Variants in HCRTR1 observed in about 807,000 individuals in gnomAD.
HCRTR1 encodes the protein hypocretin receptor 1.
HCRTR1 carries 28 observed loss-of-function variants against 40.6 expected under a neutral mutation model. That is an observed-to-expected ratio of 0.69 (90% CI 0.51 to 0.95). HCRTR1 has a LOEUF of 0.95. Ranked by LOEUF, HCRTR1 falls within the 40% of genes least tolerant of loss-of-function variation. The pLI, the probability that HCRTR1 is intolerant of heterozygous loss-of-function variation, is 0.00. For synonymous variants in HCRTR1, 209 were observed against 230.0 expected, an observed-to-expected ratio of 0.91 and a Z score of 0.83; for missense variants, 482 against 564.7, an observed-to-expected ratio of 0.85 and a Z score of 1.48.
At chr1:31,633,324 G>A (rs1321211593), downstream of HCRTR1, 1 of 1,604,258 alleles carries the variant, frequency 6.2e-7, no homozygotes, top group African/African-American at 1.3e-5. Context: ...CCTGGAGGAA[G>A]GGGTGTGAAG....
At chr1:31,618,889 G>A (rs1414428753) in intron 2 of HCRTR1, 73 bp downstream of exon 2, 7 of 410,724 alleles carry the variant, frequency 1.7e-5, no homozygotes, top group Non-Finnish European at 3.1e-5. Flanking sequence ...GCTACCCAAG[G>A]CAACTGGTGT....
Position 31,625,004 on chromosome 1 carries a change from G to A in HCRTR1, c.973G>A (p.Gly325Arg), listed in dbSNP as rs781172049. ...SVLNVLKRVF[G>R]MFRQASDREA... ...CCTCCACCCTGGGCCTAGGGTGTTC[G>A]GGATGTTCCGCCAAGCCAGTGACCG... The change falls in exon 8 of 9, where the codon GGG becomes AGG. Residue 325 changes from glycine (G) to arginine (R), a missense_variant. Physicochemically the swap from Gly to Arg is moderately radical, Grantham distance 125 (BLOSUM62 -2). Coordinates refer to ENST00000403528, the MANE Select transcript of HCRTR1 (RefSeq NM_001525.3). This position sits in a 1 kb window ranked among gnomAD's most constrained non-coding sequence, Gnocchi z 4.2. 3.7e-6 allele frequency: 6 copies of A among 1,605,052 alleles called. No individual in the cohort carries two copies. The highest frequency in any genetic ancestry group is 1.7e-5 in the Admixed American group (1 of 59,442).
intron 4 of HCRTR1, 39 bp from the exon 5 acceptor site, chr1:31,620,803 TG>T: frequency 6.3e-7 from 1 of 1,596,660 alleles, no homozygotes; most frequent in Non-Finnish European, 8.5e-7. Context: ...CATCGCTGGG[TG>T]GCCCCCAAAA....
chr1:31,628,780 T>C (rs144318124), downstream of HCRTR1, among the ~76,000 whole-genome samples: 117 of 152,314 alleles, frequency 7.7e-4, no homozygotes, highest in Non-Finnish European at 1.3e-3. Context: ...GTGACCAGGA[T>C]GCCAAGGGCA....
intron 7 of HCRTR1, 53 bp downstream of exon 7, chr1:31,623,802 A>G: frequency 7.2e-7 from 1 of 1,397,350 alleles, no homozygotes; most frequent in Non-Finnish European, 1.0e-6. Context: ...TTGGGGAAGG[A>G]GCTCTCCTTG....
chr1:31,630,948 G>T, downstream of HCRTR1: 1 of 932,096 alleles, frequency 1.1e-6, no homozygotes, highest in Non-Finnish European at 1.7e-6. Flanking sequence ...CGAGAGGATG[G>T]GCACAGAAGC....
At chr1:31,624,214 G>A (rs577761397) in intron 7 of HCRTR1, among the ~76,000 whole-genome samples, 4 of 152,226 alleles carry the variant, frequency 2.6e-5, no homozygotes, top group African/African-American at 7.2e-5. Flanking sequence ...ATCCCAACAC[G>A]TTGGGAGGCC....
chr1:31,619,971 T>C (rs991389086), intron 4 of HCRTR1, among the ~76,000 whole-genome samples: 3 of 152,156 alleles, frequency 2.0e-5, no homozygotes, highest in Non-Finnish European at 1.5e-5. Context: ...TGGACATGTA[T>C]AGTCACCTCC....
chr1:31,625,267 C>A lies in HCRTR1; in HGVS notation c.1087+149C>A. On this transcript the variant is annotated intron_variant, in intron 8 of 8. Coordinates refer to ENST00000403528, the MANE Select transcript of HCRTR1 (RefSeq NM_001525.3). The surrounding 1 kb of genome is among the most constrained non-coding windows in gnomAD (Gnocchi z 4.2). ...GTGATCCTGCTCTGGGAGGACCCAC[C>A]CCAAGCGGCCCTGGCCTGAGTGGGA... is the stretch of plus-strand genomic sequence containing the variant. The A allele has an allele frequency of 1.0e-6, 1 of 994,446 alleles. No individual in the cohort carries two copies. The highest frequency in any genetic ancestry group is 1.4e-6 in the Non-Finnish European group (1 of 710,724). The allele number at this position is 994,446 out of a possible 1,614,324, so 61.6% of individuals were successfully genotyped here. A position where few individuals can be genotyped will look rare whatever the true frequency, so the allele number is the denominator to read the frequency against.
intron 6 of HCRTR1, among the ~76,000 whole-genome samples, chr1:31,622,376 T>TG (rs1639874875): frequency 1.3e-5 from 2 of 152,042 alleles, no homozygotes; most frequent in Non-Finnish European, 2.9e-5. Flanking sequence ...AAGTACTGGC[T>TG]TGCACCCAGG....
chr1:31,630,633 T>G (rs1640069382), downstream of HCRTR1: 1 of 1,612,368 alleles, frequency 6.2e-7, no homozygotes, highest in South Asian at 1.1e-5. Flanking sequence ...CGAGAAGCTG[T>G]CATGGTGACG....
downstream of HCRTR1, chr1:31,630,805 G>A (rs757209663): frequency 7.4e-6 from 12 of 1,612,702 alleles, no homozygotes; most frequent in Admixed American, 1.7e-5. Context: ...GAAGCTGGGT[G>A]AACTGGGGGC....
chr1:31,625,154 G>A lies in HCRTR1; in HGVS notation c.1087+36G>A. ...TGGGGATGCAAAATGACTGAGGGTG[G>A]CCAACAGTCCACATGACAAGTCTCC... On this transcript the variant is annotated intron_variant, in intron 8 of 8. Coordinates refer to ENST00000403528, the MANE Select transcript of HCRTR1 (RefSeq NM_001525.3). This position sits in a 1 kb window ranked among gnomAD's most constrained non-coding sequence, Gnocchi z 4.2. 4.5e-6 allele frequency: 7 copies of A among 1,561,704 alleles called. No individual in the cohort carries two copies. Among genetic ancestry groups the A allele is most frequent in the Non-Finnish European group, 5.2e-6 (6 of 1,148,568 alleles).
Position 31,627,352 on chromosome 1 carries a change from CA to C in HCRTR1, c.*374del. The C allele has an allele frequency of 7.7e-7, 1 of 1,305,012 alleles. No homozygotes were observed. The highest frequency in any genetic ancestry group is 1.5e-5 in the African/African-American group (1 of 66,702). The allele number at this position is 1,305,012 out of a possible 1,614,324, so 80.8% of individuals were successfully genotyped here. On this transcript the variant is annotated 3_prime_UTR_variant, in exon 9 of 9. Transcript: ENST00000403528. Reference sequence around the variant, plus strand: ...TCCCTGGAGTCTGCTCTAAAGGTCCCAACAGGCATTTCCATCTTGTTCCATG... The same window carrying C: ...TCCCTGGAGTCTGCTCTAAAGGTCCCACAGGCATTTCCATCTTGTTCCATG...
At chr1:31,623,864 G>A in intron 7 of HCRTR1, 115 bp downstream of exon 7, 1 of 729,860 alleles carries the variant, frequency 1.4e-6, no homozygotes, top group Non-Finnish European at 2.3e-6. Flanking sequence ...ATCTTGGGCA[G>A]GCCATTTCTC....
At chr1:31,629,587 AG>A (rs1640038987), downstream of HCRTR1, among the ~76,000 whole-genome samples, 1 of 152,206 alleles carries the variant, frequency 6.6e-6, no homozygotes, top group African/African-American at 2.4e-5. Flanking sequence ...ATGAAGTTTG[AG>A]GTAGCTGCTT....
In HCRTR1 at chr1:31,625,295, C is replaced by A. The variant is rs1041830115; in HGVS notation, c.1087+177C>A. Among the ~76,000 whole-genome samples, 1 of 152,188 alleles carries A rather than the reference C, an allele frequency of 6.6e-6. No homozygotes were observed. On this transcript the variant is annotated intron_variant, in intron 8 of 8. Transcript: ENST00000403528. This position sits in a 1 kb window ranked among gnomAD's most constrained non-coding sequence, Gnocchi z 4.2. ...AAGCGGCCCTGGCCTGAGTGGGAGACGGGCCACACTCCCTACAGTGGCTGG... is the reference window on the plus strand; with the variant it reads ...AAGCGGCCCTGGCCTGAGTGGGAGAAGGGCCACACTCCCTACAGTGGCTGG...
downstream of HCRTR1, chr1:31,633,300 T>TG (rs748039272): frequency 6.2e-7 from 1 of 1,612,430 alleles, no homozygotes. Flanking sequence ...GGATCCACAT[T>TG]GGGAGGGGCG....
chr1:31,619,505 C>T (rs1226683562), intron 3 of HCRTR1, 27 bp from the exon 4 acceptor site: 7 of 1,613,764 alleles, frequency 4.3e-6, no homozygotes, highest in East Asian at 4.5e-5. Flanking sequence ...GGCTCTGCCA[C>T]CAGCTTCACC....
Sources: allele counts gnomAD v4.1 joint callset (sites outside exome capture counted in the v4.1 genomes callset), GRCh38; gene constraint gnomAD v4.1.1; non-coding constraint Gnocchi (gnomAD v3.1); transcripts MANE v1.5; gene names NCBI Gene and HGNC (gene_info 2026-07-23, HGNC 2026-07-21).